TBC1D12: variants seen among roughly 807,000 people sequenced by gnomAD.
TBC1D12 encodes the protein TBC1 domain family member 12.
TBC1D12 carries 56 observed loss-of-function variants against 86.7 expected under a neutral mutation model. That is an observed-to-expected ratio of 0.65 (90% confidence interval 0.52 to 0.81). The LOEUF (loss-of-function observed/expected upper bound fraction) is 0.81, where lower values mean the gene tolerates loss of function less well. TBC1D12 is among the 30% of genes least tolerant of loss of function. TBC1D12 has a pLI of 0.00. For synonymous variants in TBC1D12, 421 were observed against 411.7 expected, an observed-to-expected ratio of 1.02 and a Z score of -0.27; for missense variants, 1,023 against 1,038.8, an observed-to-expected ratio of 0.98 and a Z score of 0.21.
At chr10:94,451,488 A>G (rs1184596667) in intron 2 of TBC1D12, among the ~76,000 whole-genome samples, 7 of 152,044 alleles carry the variant, frequency 4.6e-5, no homozygotes, top group Admixed American at 3.3e-4. Context: ...CTTAATGTCA[A>G]TTTTGTGTGT....
intron 1 of TBC1D12, among the ~76,000 whole-genome samples, chr10:94,436,221 C>T (rs1304670062): frequency 2.0e-5 from 3 of 151,820 alleles, no homozygotes; most frequent in African/African-American, 7.3e-5. Flanking sequence ...ACTGCACCTC[C>T]GCCTCCTGGG....
At chr10:94,455,547 TA>T (rs1292995916) in intron 2 of TBC1D12, among the ~76,000 whole-genome samples, 2 of 152,196 alleles carry the variant, frequency 1.3e-5, no homozygotes, top group Non-Finnish European at 2.9e-5. Context: ...GATTATTAAT[TA>T]TTGATTCAGT....
chr10:94,526,158 G>A (rs1263279375), intron 11 of TBC1D12, among the ~76,000 whole-genome samples: 2 of 152,096 alleles, frequency 1.3e-5, no homozygotes, highest in African/African-American at 4.8e-5. Flanking sequence ...GCTGGCCAGT[G>A]CGATGGCTCA....
chr10:94,516,393 A>G (rs543867094), intron 9 of TBC1D12, among the ~76,000 whole-genome samples: 6 of 152,164 alleles, frequency 3.9e-5, no homozygotes, highest in African/African-American at 1.4e-4. Context: ...TTGGTTGGGC[A>G]TATATAAATT....
intron 3 of TBC1D12, among the ~76,000 whole-genome samples, chr10:94,486,945 T>C (rs2056172198): frequency 6.6e-6 from 1 of 152,210 alleles, no homozygotes; most frequent in Admixed American, 6.5e-5. Context: ...TGCATCTTTC[T>C]CTTTAGCTCT....
At chr10:94,431,286 G>C (rs113655672) in intron 1 of TBC1D12, among the ~76,000 whole-genome samples, 1 of 151,666 alleles carries the variant, frequency 6.6e-6, no homozygotes, top group Non-Finnish European at 1.5e-5. Context: ...GTGGTGGCAC[G>C]CACCTGTAAT....
At chr10:94,456,516 T>C (rs997810852) in intron 2 of TBC1D12, among the ~76,000 whole-genome samples, 1 of 152,220 alleles carries the variant, frequency 6.6e-6, no homozygotes, top group Non-Finnish European at 1.5e-5. Context: ...TTTAATTTAA[T>C]TGAGATCTGA....
At chr10:94,513,263 A>AG (rs35632358) in intron 9 of TBC1D12, among the ~76,000 whole-genome samples, 3 of 150,136 alleles carry the variant, frequency 2.0e-5, no homozygotes, top group African/African-American at 7.4e-5. Flanking sequence ...AAAAAAAAAA[A>AG]GTGTCCCCAG....
intron 3 of TBC1D12, among the ~76,000 whole-genome samples, chr10:94,480,349 A>T (rs1490422537): frequency 6.6e-6 from 1 of 152,166 alleles, no homozygotes; most frequent in Non-Finnish European, 1.5e-5. Flanking sequence ...TTGAGGGGCC[A>T]TTAGTCTTCA....
intron 6 of TBC1D12, among the ~76,000 whole-genome samples, chr10:94,502,991 A>G (rs1185555530): frequency 6.6e-6 from 1 of 152,156 alleles, no homozygotes; most frequent in Non-Finnish European, 1.5e-5. Context: ...GCATCTACAT[A>G]TGATCAATTT....
intron 11 of TBC1D12, among the ~76,000 whole-genome samples, chr10:94,527,447 A>G (rs1842322287): frequency 6.8e-6 from 1 of 147,330 alleles, no homozygotes; most frequent in African/African-American, 2.5e-5. Flanking sequence ...GATTTTGCCT[A>G]TTAATTTCCT....
chr10:94,525,378 G>A (rs992020325), intron 11 of TBC1D12, among the ~76,000 whole-genome samples: 13 of 152,216 alleles, frequency 8.5e-5, no homozygotes, highest in African/African-American at 2.4e-4. Flanking sequence ...TTGGGAAGCC[G>A]AGGTGGGCAA....
At chr10:94,443,771 C>T (rs773994781) in intron 2 of TBC1D12, among the ~76,000 whole-genome samples, 4 of 152,096 alleles carry the variant, frequency 2.6e-5, no homozygotes, top group Non-Finnish European at 4.4e-5. Flanking sequence ...AAAAAGTCAG[C>T]GTGGGACTGG....
At chr10:94,472,457 A>G (rs1249122822) in intron 2 of TBC1D12, among the ~76,000 whole-genome samples, 3 of 152,184 alleles carry the variant, frequency 2.0e-5, no homozygotes, top group South Asian at 4.2e-4. Flanking sequence ...TGTTATTAAT[A>G]TATTGGTTTG....
At chr10:94,531,116 A>T in intron 11 of TBC1D12, 86 bp from the exon 12 acceptor site, 1 of 1,451,468 alleles carries the variant, frequency 6.9e-7, no homozygotes, top group Non-Finnish European at 9.4e-7. Context: ...CTAATTAAAC[A>T]CTGTTCTTTT....
intron 1 of TBC1D12, among the ~76,000 whole-genome samples, chr10:94,426,556 A>G (rs1028190427): frequency 2.0e-5 from 3 of 151,928 alleles, no homozygotes; most frequent in African/African-American, 7.3e-5. Flanking sequence ...TTCCTTTTAC[A>G]TATTGTCAGA....
intron 1 of TBC1D12, among the ~76,000 whole-genome samples, chr10:94,422,531 T>C (rs1288229023): frequency 6.6e-6 from 1 of 151,670 alleles, no homozygotes. Context: ...TTAAGCTACC[T>C]TATTTATTTT....
At chr10:94,475,996 G>GT (rs2055982294) in intron 3 of TBC1D12, among the ~76,000 whole-genome samples, 1 of 151,998 alleles carries the variant, frequency 6.6e-6, no homozygotes. Flanking sequence ...CTGGAGTGCA[G>GT]TGGCACAATC....
At chr10:94,477,329 AAAAC>A (rs1026167427) in intron 3 of TBC1D12, among the ~76,000 whole-genome samples, 5 of 152,334 alleles carry the variant, frequency 3.3e-5, no homozygotes, top group African/African-American at 7.2e-5. Flanking sequence ...TTATGTAACT[AAAAC>A]AAACCAACAA....
Sources: allele counts gnomAD v4.1 joint callset (sites outside exome capture counted in the v4.1 genomes callset), GRCh38; gene constraint gnomAD v4.1.1; transcripts MANE v1.5; gene names NCBI Gene and HGNC (gene_info 2026-07-23, HGNC 2026-07-21).